Variants in MAP2K6 observed in about 807,000 individuals in gnomAD.
The protein encoded by MAP2K6 is mitogen-activated protein kinase kinase 6.
A neutral mutation model predicts 53.7 loss-of-function variants in MAP2K6; 16 were observed. The observed-to-expected ratio is 0.30, with a 90% CI of 0.20 to 0.45. The LOEUF is 0.45. MAP2K6 is among the 20% of genes least tolerant of loss of function. The pLI, the probability that MAP2K6 is intolerant of heterozygous loss-of-function variation, is 1.00. For missense variants in MAP2K6, 204 were observed against 411.9 expected, an observed-to-expected ratio of 0.50 and a Z score of 4.37; for synonymous variants, 132 against 143.1, an observed-to-expected ratio of 0.92 and a Z score of 0.55.
At chr17:69,426,183 T>C (rs1346562108) in intron 1 of MAP2K6, among the ~76,000 whole-genome samples, 1 of 152,232 alleles carries the variant, frequency 6.6e-6, no homozygotes, top group Non-Finnish European at 1.5e-5. Flanking sequence ...GCTCAAATAA[T>C]ACATTTTTGA....
At chr17:69,467,922 C>T (rs572235035) in intron 1 of MAP2K6, among the ~76,000 whole-genome samples, 12 of 152,080 alleles carry the variant, frequency 7.9e-5, no homozygotes, top group South Asian at 2.1e-4. Flanking sequence ...TGTGCCACCA[C>T]GCCCAGCTAA....
intron 9 of MAP2K6, among the ~76,000 whole-genome samples, chr17:69,525,230 C>A (rs1462470437): frequency 6.6e-6 from 1 of 152,158 alleles, no homozygotes; most frequent in Admixed American, 6.5e-5. Context: ...GTAATTGTTA[C>A]AGTCACATGG....
At chr17:69,505,897 C>T (rs1232253790) in intron 2 of MAP2K6, 51 bp downstream of exon 2, 20 of 1,516,396 alleles carry the variant, frequency 1.3e-5, no homozygotes, top group Non-Finnish European at 1.6e-5. Context: ...CTTTCAGATT[C>T]CTCCTGGGGG....
At chr17:69,442,748 A>T (rs1396059424) in intron 1 of MAP2K6, among the ~76,000 whole-genome samples, 1 of 152,180 alleles carries the variant, frequency 6.6e-6, no homozygotes, top group Non-Finnish European at 1.5e-5. Context: ...GCACAAGTTA[A>T]ATCTGGTTCT....
At chr17:69,536,601 G>C (rs1911373070) in intron 11 of MAP2K6, among the ~76,000 whole-genome samples, 1 of 151,982 alleles carries the variant, frequency 6.6e-6, no homozygotes, top group African/African-American at 2.4e-5. Flanking sequence ...GGTAGCTAAG[G>C]AGGAAAAAAA....
At chr17:69,435,202 A>C (rs986374090) in intron 1 of MAP2K6, 2 of 152,230 alleles carry the variant, frequency 1.3e-5, no homozygotes, top group African/African-American at 4.8e-5. Flanking sequence ...TAGGAATAAA[A>C]GATAAACAAT....
chr17:69,502,551 G>C, intron 1 of MAP2K6: 2 of 984,690 alleles, frequency 2.0e-6, no homozygotes, highest in Non-Finnish European at 2.4e-6. Context: ...TTTTTTTCTT[G>C]TTGTTCTGAG....
At chr17:69,451,485 G>T (rs1300096848) in intron 1 of MAP2K6, among the ~76,000 whole-genome samples, 1 of 152,202 alleles carries the variant, frequency 6.6e-6, no homozygotes. Flanking sequence ...ACATGGTCAG[G>T]TTTGTAATCT....
At chr17:69,486,415 T>C (rs138394041) in intron 1 of MAP2K6, among the ~76,000 whole-genome samples, 20 of 152,344 alleles carry the variant, frequency 1.3e-4, no homozygotes, top group African/African-American at 4.6e-4. Context: ...TTCATTTCAC[T>C]TTGAATGTTA....
chr17:69,491,174 C>G (rs1455010431), intron 1 of MAP2K6, among the ~76,000 whole-genome samples: 1 of 144,280 alleles, frequency 6.9e-6, no homozygotes, highest in Non-Finnish European at 1.5e-5. Context: ...GACGGAGTCT[C>G]ACTCTATCGC....
intron 1 of MAP2K6, among the ~76,000 whole-genome samples, chr17:69,469,343 A>T (rs1347897864): frequency 6.6e-6 from 1 of 152,204 alleles, no homozygotes; most frequent in African/African-American, 2.4e-5. Flanking sequence ...CTTTAATCAC[A>T]TCTGCAAAGA....
At chr17:69,526,811 G>A (rs750803145) in intron 10 of MAP2K6, 102 bp downstream of exon 10, 305 of 1,384,600 alleles carry the variant, frequency 2.2e-4, no homozygotes, top group Admixed American at 3.8e-4. Flanking sequence ...CATTCATTCC[G>A]AAAGCATTTG....
At chr17:69,506,457 A>G (rs2145225131) in intron 2 of MAP2K6, among the ~76,000 whole-genome samples, 1 of 151,228 alleles carries the variant, frequency 6.6e-6, no homozygotes, top group African/African-American at 2.4e-5. Flanking sequence ...TGTGGTGGGA[A>G]CGGTACTTCC....
intron 11 of MAP2K6, among the ~76,000 whole-genome samples, chr17:69,538,468 A>G (rs949803294): frequency 2.0e-5 from 3 of 152,236 alleles, no homozygotes; most frequent in African/African-American, 4.8e-5. Flanking sequence ...TTTTAAGACT[A>G]TAACTGTTCC....
intron 1 of MAP2K6, among the ~76,000 whole-genome samples, chr17:69,487,201 G>A (rs1262679617): frequency 6.6e-6 from 1 of 152,140 alleles, no homozygotes; most frequent in African/African-American, 2.4e-5. Context: ...CCTTACACGA[G>A]CTAGTGGAAA....
At position 69,519,415 on chromosome 17, in the gene MAP2K6, G is replaced by A; in HGVS notation, c.349G>A (p.Gly117Ser). ...VDCPFTVTFY[G>S]ALFREGDVWI... Reference sequence around the variant, plus strand: ...CTGTCCATTCACTGTCACCTTTTATGGCGCACTGTTTCGGGAGGTAGGTGA... The same window carrying A: ...CTGTCCATTCACTGTCACCTTTTATAGCGCACTGTTTCGGGAGGTAGGTGA... Residue 117 changes from glycine to serine, a missense_variant, in exon 5 of 12, where the codon GGC (glycine) becomes AGC (serine). Coordinates refer to ENST00000590474, the MANE Select transcript of MAP2K6 (RefSeq NM_002758.4). 6.2e-7 allele frequency: 1 copy of A among 1,614,124 alleles called. No homozygotes were observed. Among genetic ancestry groups the A allele is most frequent in the Non-Finnish European group, 8.5e-7 (1 of 1,179,986 alleles).
chr17:69,518,489 T>C (rs1910290277), intron 4 of MAP2K6, among the ~76,000 whole-genome samples: 1 of 152,204 alleles, frequency 6.6e-6, no homozygotes, highest in Admixed American at 6.5e-5. Context: ...TAGAGTAAAT[T>C]TGCATAGTTT....
At chr17:69,450,331 G>A (rs1302091612) in intron 1 of MAP2K6, among the ~76,000 whole-genome samples, 1 of 152,126 alleles carries the variant, frequency 6.6e-6, no homozygotes, top group Non-Finnish European at 1.5e-5. Flanking sequence ...ATTTAAAAAT[G>A]AATCACAATA....
In MAP2K6 at chr17:69,526,739, T is replaced by A. The variant is rs1273897909; in HGVS notation, c.881+30T>A. On this transcript the variant is annotated intron_variant, in intron 10 of 11. Transcript: ENST00000590474. ...GACAGCCTCACCTCCCAAGTGTCAG[T>A]GTGAAAGAAGAAGATGAGTTCTCAT... 5 of 1,603,030 alleles carry A rather than the reference T, an allele frequency of 3.1e-6. No homozygotes were observed. In the East Asian group the frequency reaches 1.1e-4, roughly 36 times the overall value.
Sources: allele counts gnomAD v4.1 joint callset (sites outside exome capture counted in the v4.1 genomes callset), GRCh38; gene constraint gnomAD v4.1.1; transcripts MANE v1.5; gene names NCBI Gene and HGNC (gene_info 2026-07-23, HGNC 2026-07-21).